Variants in RBFOX1 observed in about 807,000 individuals in gnomAD.
RBFOX1 encodes the protein RNA binding fox-1 homolog 1.
In RBFOX1, 8 loss-of-function variants were observed where a neutral mutation model predicts 57.7. The ratio of observed to expected loss-of-function variants is 0.14; its 90% CI spans 0.08 to 0.25. The LOEUF (loss-of-function observed/expected upper bound fraction) is 0.25. Among genes scored for constraint, RBFOX1 ranks in the 10% least tolerant of loss-of-function variants. The pLI, the probability that RBFOX1 is intolerant of heterozygous loss-of-function variation, is 1.00. For synonymous variants in RBFOX1, 326 were observed against 222.4 expected (o/e 1.47, Z -4.15); for missense variants, 611 against 548.5 (o/e 1.11, Z -1.14).
intron 4 of RBFOX1, among the ~76,000 whole-genome samples, chr16:7,425,477 A>C (rs1160267522): frequency 6.6e-6 from 1 of 152,214 alleles, no homozygotes; most frequent in Non-Finnish European, 1.5e-5. Context: ...TCTTTGAAGG[A>C]CTTAAAATTA....
intron 2 of RBFOX1, among the ~76,000 whole-genome samples, chr16:6,550,921 C>G (rs1242662694): frequency 6.6e-6 from 1 of 152,136 alleles, no homozygotes; most frequent in Non-Finnish European, 1.5e-5. Flanking sequence ...TCGGGCAACT[C>G]AAGTTATCAT....
chr16:7,244,147 G>C (rs2152985400), intron 4 of RBFOX1, among the ~76,000 whole-genome samples: 1 of 150,030 alleles, frequency 6.7e-6, no homozygotes, highest in African/African-American at 2.5e-5. Context: ...GTCATCAAAG[G>C]GTAACTCCAG....
chr16:7,637,842 C>T (rs181972869), intron 11 of RBFOX1, among the ~76,000 whole-genome samples: 123 of 152,152 alleles, frequency 8.1e-4, no homozygotes, highest in Non-Finnish European at 1.4e-3. Context: ...AAGGGGTATC[C>T]AAATACCTCA....
chr16:6,414,866 A>G (rs2093576794), intron 2 of RBFOX1, among the ~76,000 whole-genome samples: 1 of 152,172 alleles, frequency 6.6e-6, no homozygotes, highest in African/African-American at 2.4e-5. Context: ...TAGTGGATAT[A>G]GGTCAAGGAT....
At chr16:7,023,678 C>T (rs192168027) in intron 3 of RBFOX1, among the ~76,000 whole-genome samples, 2 of 149,840 alleles carry the variant, frequency 1.3e-5, no homozygotes, top group African/African-American at 2.5e-5. Context: ...CCTAGGTTAT[C>T]TCCCTTGTCT....
At chr16:6,800,668 C>T (rs965765392) in intron 3 of RBFOX1, among the ~76,000 whole-genome samples, 4 of 152,030 alleles carry the variant, frequency 2.6e-5, no homozygotes, top group African/African-American at 7.3e-5. Context: ...AAAATTTTTG[C>T]CTTTTAAATC....
intron 2 of RBFOX1, among the ~76,000 whole-genome samples, chr16:6,348,118 G>A (rs2085680619): frequency 6.6e-6 from 1 of 152,116 alleles, no homozygotes; most frequent in African/African-American, 2.4e-5. Context: ...ATAGCTTTAT[G>A]GGTTTGTGTG....
In RBFOX1 at chr16:7,000,596, C is replaced by T. The variant is rs796621035; in HGVS notation, c.-15-51461C>T. On this transcript the variant is annotated intron_variant, in intron 3 of 15. Transcript: ENST00000550418. ...TTTCTTTTTTTCTTTCTTTTTCTTT[C>T]TTTTTTTTTTTTTTTTTTTTTGAGA... Among the ~76,000 whole-genome samples, 253 of 92,522 alleles carry T rather than the reference C, an allele frequency of 2.7e-3. 3 individuals are homozygous for T. Among genetic ancestry groups the T allele is most frequent in the African/African-American group, 8.7e-3 (206 of 23,628 alleles). The allele number at this position is 92,522 out of a possible 152,430, so 60.7% of individuals were successfully genotyped here. A position where few individuals can be genotyped will look rare whatever the true frequency, so the allele number is the denominator to read the frequency against.
At chr16:5,713,845 A>G (rs2051584167) in intron 3 of RBFOX1, among the ~76,000 whole-genome samples, 2 of 152,158 alleles carry the variant, frequency 1.3e-5, no homozygotes, top group Non-Finnish European at 2.9e-5. Context: ...TGAAGTACAA[A>G]GACTCGATCT....
intron 2 of RBFOX1, among the ~76,000 whole-genome samples, chr16:6,639,029 G>T (rs574430355): frequency 6.6e-6 from 1 of 152,322 alleles, no homozygotes; most frequent in East Asian, 1.9e-4. Flanking sequence ...TTTCCAAGGA[G>T]ACCTGTGGCC....
At chr16:6,469,143 C>T (rs1401610935) in intron 2 of RBFOX1, among the ~76,000 whole-genome samples, 2 of 151,704 alleles carry the variant, frequency 1.3e-5, no homozygotes, top group Admixed American at 1.3e-4. Context: ...GGAGTTCTGT[C>T]AAAAGAATAT....
At chr16:5,840,010 C>T (rs140294543) in intron 3 of RBFOX1, among the ~76,000 whole-genome samples, 64 of 152,266 alleles carry the variant, frequency 4.2e-4, no homozygotes, top group African/African-American at 1.5e-3. Flanking sequence ...TACTGTGTGC[C>T]AGAGGCTGTG....
At chr16:5,859,570 C>A (rs2057158036) in intron 3 of RBFOX1, among the ~76,000 whole-genome samples, 1 of 152,114 alleles carries the variant, frequency 6.6e-6, no homozygotes, top group African/African-American at 2.4e-5. Context: ...CACTTGCCAG[C>A]AAAGGAAGAA....
intron 3 of RBFOX1, among the ~76,000 whole-genome samples, chr16:6,767,040 A>G (rs576625773): frequency 6.6e-6 from 1 of 152,070 alleles, no homozygotes; most frequent in Admixed American, 6.6e-5. Flanking sequence ...TTTTTCACAA[A>G]ATAATCATTG....
At position 7,053,406 on chromosome 16, in the gene RBFOX1, G is replaced by C. The variant is rs77541312; in HGVS notation, c.27+1308G>C. 6.6e-3 allele frequency among the ~76,000 whole-genome samples: 999 copies of C among 152,108 alleles called. 11 individuals carry two copies. Among genetic ancestry groups the C allele is most frequent in the African/African-American group, 0.023 (945 of 41,474 alleles). Reference sequence around the variant, plus strand: ...ACTGTCTTACTGCTTTTTTCCTGTAGTCTGAATTACTGGTTCATCCTGTTA... The same window carrying C: ...ACTGTCTTACTGCTTTTTTCCTGTACTCTGAATTACTGGTTCATCCTGTTA... On this transcript the variant is annotated intron_variant, in intron 4 of 15. Transcript: ENST00000550418.
chr16:6,854,316 G>T (rs117266323), intron 3 of RBFOX1, among the ~76,000 whole-genome samples: 1,787 of 152,178 alleles, frequency 0.012, 20 homozygotes, highest in Non-Finnish European at 0.019. Context: ...GTATTAGGAA[G>T]GAGTCTTTGG....
chr16:7,131,088 T>C (rs2070224256), intron 4 of RBFOX1, among the ~76,000 whole-genome samples: 1 of 152,150 alleles, frequency 6.6e-6, no homozygotes, highest in Non-Finnish European at 1.5e-5. Context: ...ATCATGCCTG[T>C]AATCCCAGCA....
At chr16:5,474,777 A>G (rs2069264037) in intron 2 of RBFOX1, among the ~76,000 whole-genome samples, 1 of 152,152 alleles carries the variant, frequency 6.6e-6, no homozygotes, top group Admixed American at 6.5e-5. Flanking sequence ...TAGGTTGGTT[A>G]GGATCTTCCA....
intron 4 of RBFOX1, among the ~76,000 whole-genome samples, chr16:7,168,808 T>C (rs1401718977): frequency 2.6e-5 from 4 of 152,220 alleles, no homozygotes; most frequent in Admixed American, 2.0e-4. Flanking sequence ...TAAACTGTTA[T>C]TCTAATGAAT....
Sources: allele counts gnomAD v4.1 joint callset (sites outside exome capture counted in the v4.1 genomes callset), GRCh38; gene constraint gnomAD v4.1.1; transcripts MANE v1.5; gene names NCBI Gene and HGNC (gene_info 2026-07-23, HGNC 2026-07-21).